The following MAD1L1 variants were observed in gnomAD, a reference collection of about 807,000 sequenced individuals.
The protein encoded by MAD1L1 is mitotic spindle assembly checkpoint protein MAD1.
In MAD1L1, 95 loss-of-function variants were observed where a neutral mutation model predicts 96.9. The ratio of observed to expected loss-of-function variants is 0.98; its 90% CI spans 0.83 to 1.16. The LOEUF (loss-of-function observed/expected upper bound fraction) is 1.16. Ranked by LOEUF, MAD1L1 falls within the 50% of genes most tolerant of loss-of-function variation. MAD1L1 has a pLI of 0.00. For missense variants in MAD1L1, 1,007 were observed against 954.4 expected, an observed-to-expected ratio of 1.06 and a Z score of -0.73; for synonymous variants, 473 against 396.6, an observed-to-expected ratio of 1.19 and a Z score of -2.29.
intron 7 of MAD1L1, among the ~76,000 whole-genome samples, chr7:2,216,533 G>T (rs1054789858): frequency 1.3e-5 from 2 of 152,102 alleles, no homozygotes; most frequent in East Asian, 1.9e-4. Flanking sequence ...ACACTCTAAT[G>T]GCAAATATAG....
intron 17 of MAD1L1, among the ~76,000 whole-genome samples, chr7:1,935,957 C>T (rs539297293): frequency 6.6e-6 from 1 of 152,258 alleles, no homozygotes; most frequent in Non-Finnish European, 1.5e-5. Context: ...CCCCCCAGAA[C>T]CAGGAGCGTG....
intron 11 of MAD1L1, among the ~76,000 whole-genome samples, chr7:2,111,689 G>A (rs912109861): frequency 7.2e-5 from 11 of 152,210 alleles, no homozygotes; most frequent in African/African-American, 2.4e-4. Context: ...GCAGCCGCAC[G>A]CTGGAAAACG....
chr7:2,172,590 C>A (rs559461272), intron 10 of MAD1L1, among the ~76,000 whole-genome samples: 1 of 152,246 alleles, frequency 6.6e-6, no homozygotes, highest in Non-Finnish European at 1.5e-5. Flanking sequence ...GCAGCCCAGG[C>A]GCAGCCACTC....
At chr7:1,977,391 G>A (rs1048278831) in intron 15 of MAD1L1, among the ~76,000 whole-genome samples, 9 of 152,360 alleles carry the variant, frequency 5.9e-5, no homozygotes, top group East Asian at 3.9e-4. Flanking sequence ...GGCCGGCAAC[G>A]CTGGCCAGCT....
chr7:2,068,331 G>C (rs1784973989), intron 12 of MAD1L1, among the ~76,000 whole-genome samples: 1 of 152,220 alleles, frequency 6.6e-6, no homozygotes, highest in African/African-American at 2.4e-5. Context: ...CTGTAAAACA[G>C]CATCTTTGGA....
intron 10 of MAD1L1, among the ~76,000 whole-genome samples, chr7:2,173,463 C>T (rs1790805195): frequency 6.6e-6 from 1 of 152,228 alleles, no homozygotes; most frequent in African/African-American, 2.4e-5. Context: ...TGTGCTTCCC[C>T]TCAAGCTAAC....
intron 14 of MAD1L1, among the ~76,000 whole-genome samples, chr7:1,987,824 T>C (rs1354930461): frequency 6.6e-6 from 1 of 152,070 alleles, no homozygotes. Context: ...CAGAGGTAAC[T>C]CACAGGCACC....
intron 17 of MAD1L1, among the ~76,000 whole-genome samples, chr7:1,928,936 A>G (rs1257042599): frequency 6.6e-6 from 1 of 152,204 alleles, no homozygotes; most frequent in Non-Finnish European, 1.5e-5. Flanking sequence ...AGCGCCAGCC[A>G]AGCAGGAAAA....
chr7:2,076,425 T>C (rs537763550), intron 11 of MAD1L1, among the ~76,000 whole-genome samples: 3 of 152,244 alleles, frequency 2.0e-5, no homozygotes, highest in South Asian at 2.1e-4. Context: ...AAGAGAGCCC[T>C]CCTCAGACCC....
chr7:1,898,124 A>G (rs767238653), intron 18 of MAD1L1, 76 bp downstream of exon 18: 8 of 1,460,194 alleles, frequency 5.5e-6, no homozygotes, highest in Non-Finnish European at 7.5e-6. Flanking sequence ...TCCTTTGCTG[A>G]GGGCTACGGT....
chr7:2,196,689 AG>A (rs1792003418), intron 10 of MAD1L1, among the ~76,000 whole-genome samples: 1 of 152,260 alleles, frequency 6.6e-6, no homozygotes, highest in South Asian at 2.1e-4. Context: ...ACAAAGGAAC[AG>A]GCATTCACCT....
intron 12 of MAD1L1, among the ~76,000 whole-genome samples, chr7:2,050,752 C>G (rs11762413): frequency 0.33 from 48,987 of 148,850 alleles, 8,213 homozygotes; most frequent in South Asian, 0.45. Context: ...CGGCTCAGTC[C>G]TCAGCAGGCC....
chr7:1,962,056 G>A (rs971702987), intron 15 of MAD1L1, among the ~76,000 whole-genome samples: 12 of 141,806 alleles, frequency 8.5e-5, no homozygotes, highest in Non-Finnish European at 1.2e-4. Context: ...CCCCCATACC[G>A]TTCTCACGTG....
At position 1,977,270 on chromosome 7, in the gene MAD1L1, G is replaced by A. The variant is rs547996665; in HGVS notation, c.1505+3183C>T. 1.6e-4 allele frequency among the ~76,000 whole-genome samples: 24 copies of A among 152,378 alleles called. No homozygotes were observed. The South Asian group carries it at 2.3e-3, about 14-fold the overall frequency. On this transcript the variant is annotated intron_variant, in intron 15 of 18. Transcript: ENST00000265854. Reference sequence around the variant, plus strand: ...CCCAAGCGCTGCCCCACGGGGAGGCGGCTGAGGCCCAGTGAGAATTCGACT... The same window carrying A: ...CCCAAGCGCTGCCCCACGGGGAGGCAGCTGAGGCCCAGTGAGAATTCGACT...
At chr7:1,854,426 A>T in intron 18 of MAD1L1, 1 of 455,704 alleles carries the variant, frequency 2.2e-6, no homozygotes, top group South Asian at 1.6e-5. Flanking sequence ...AACAGAGTTC[A>T]CTTCTCACAG....
intron 11 of MAD1L1, among the ~76,000 whole-genome samples, chr7:2,098,333 C>T (rs1786604310): frequency 6.6e-6 from 1 of 152,204 alleles, no homozygotes; most frequent in African/African-American, 2.4e-5. Flanking sequence ...GCCTGCGCAG[C>T]ACACGCCACG....
intron 5 of MAD1L1, among the ~76,000 whole-genome samples, chr7:2,221,185 C>A (rs1793587032): frequency 6.6e-6 from 1 of 152,110 alleles, no homozygotes; most frequent in Non-Finnish European, 1.5e-5. Flanking sequence ...GCGGCTCCTG[C>A]AGTCTCCTGC....
chr7:2,210,925 G>A (rs368044327), intron 10 of MAD1L1, among the ~76,000 whole-genome samples: 32 of 152,308 alleles, frequency 2.1e-4, no homozygotes, highest in South Asian at 1.7e-3. Flanking sequence ...CGATCACGTC[G>A]GATCTTCACA....
At chr7:1,866,427 C>T (rs571998139) in intron 18 of MAD1L1, among the ~76,000 whole-genome samples, 10 of 147,526 alleles carry the variant, frequency 6.8e-5, no homozygotes, top group Non-Finnish European at 1.3e-4. Flanking sequence ...AGGCTGAGGC[C>T]GTAACATGCT....
Sources: allele counts gnomAD v4.1 joint callset (sites outside exome capture counted in the v4.1 genomes callset), GRCh38; gene constraint gnomAD v4.1.1; transcripts MANE v1.5; gene names NCBI Gene and HGNC (gene_info 2026-07-23, HGNC 2026-07-21).